The following EBF1 variants were observed in gnomAD, a reference collection of about 807,000 sequenced individuals.
EBF1 encodes EBF transcription factor 1, also known as transcription factor COE1.
Under a neutral mutation model 68.4 loss-of-function variants are expected in EBF1, and 10 were observed. The ratio of observed to expected loss-of-function variants is 0.15; its 90% confidence interval spans 0.09 to 0.25. The LOEUF (loss-of-function observed/expected upper bound fraction) is 0.25. Ranked by LOEUF, EBF1 falls within the 10% of genes least tolerant of loss-of-function variation. The pLI, the probability that EBF1 is intolerant of heterozygous loss-of-function variation, is 1.00. For synonymous variants in EBF1, 298 were observed against 299.8 expected, an observed-to-expected ratio of 0.99 and a Z score of 0.06; for missense variants, 509 against 794.4, an observed-to-expected ratio of 0.64 and a Z score of 4.32.
chr5:158,806,898 A>G (rs1781690486), intron 8 of EBF1, among the ~76,000 whole-genome samples: 1 of 152,082 alleles, frequency 6.6e-6, no homozygotes, highest in South Asian at 2.1e-4. Flanking sequence ...CCATTACTCA[A>G]TCTGCTTTTG....
At chr5:158,932,648 A>G (rs1583272377) in intron 6 of EBF1, among the ~76,000 whole-genome samples, 1 of 152,250 alleles carries the variant, frequency 6.6e-6, no homozygotes, top group Non-Finnish European at 1.5e-5. Flanking sequence ...TATAATTTAT[A>G]TCATTACATA....
chr5:158,846,819 C>T (rs1244670354), intron 6 of EBF1, among the ~76,000 whole-genome samples: 1 of 152,192 alleles, frequency 6.6e-6, no homozygotes, highest in African/African-American at 2.4e-5. Flanking sequence ...CTGACTTCCT[C>T]TCCTTTTCTG....
At chr5:159,050,762 A>G (rs1183634644) in intron 6 of EBF1, among the ~76,000 whole-genome samples, 1 of 152,232 alleles carries the variant, frequency 6.6e-6, no homozygotes, top group Non-Finnish European at 1.5e-5. Flanking sequence ...GCCAAGGCTT[A>G]GAAGCAAACT....
chr5:158,704,628 T>G (rs1757472619), intron 15 of EBF1, among the ~76,000 whole-genome samples: 1 of 151,770 alleles, frequency 6.6e-6, no homozygotes, highest in South Asian at 2.1e-4. Flanking sequence ...ATCCTTTTTT[T>G]CTTTTTTTTT....
At chr5:158,787,741 T>C (rs2127717861) in intron 9 of EBF1, among the ~76,000 whole-genome samples, 1 of 152,292 alleles carries the variant, frequency 6.6e-6, no homozygotes, top group African/African-American at 2.4e-5. Flanking sequence ...GATAGTTTAT[T>C]ACAAGGATTA....
At chr5:159,034,161 A>G (rs1328498397) in intron 6 of EBF1, among the ~76,000 whole-genome samples, 1 of 152,162 alleles carries the variant, frequency 6.6e-6, no homozygotes, top group Non-Finnish European at 1.5e-5. Flanking sequence ...TATTTTGGGG[A>G]GCACTCAAAC....
intron 6 of EBF1, among the ~76,000 whole-genome samples, chr5:158,948,610 C>T (rs552972009): frequency 2.0e-5 from 3 of 152,126 alleles, no homozygotes; most frequent in African/African-American, 4.8e-5. Context: ...GAAATCTGGA[C>T]GTGGACACCA....
chr5:158,701,361 TAAA>T (rs35952631), intron 15 of EBF1, among the ~76,000 whole-genome samples: 3 of 147,846 alleles, frequency 2.0e-5, no homozygotes, highest in Admixed American at 6.7e-5. Context: ...TGGCCAGAAT[TAAA>T]AAAAAAAAAA....
intron 6 of EBF1, among the ~76,000 whole-genome samples, chr5:158,921,672 G>C (rs1002676040): frequency 1.8e-4 from 28 of 152,288 alleles, no homozygotes; most frequent in African/African-American, 6.7e-4. Flanking sequence ...ATCATTACCA[G>C]CCGGAGCTTG....
chr5:158,747,858 C>G (rs1767941261), intron 10 of EBF1, among the ~76,000 whole-genome samples: 1 of 152,148 alleles, frequency 6.6e-6, no homozygotes, highest in African/African-American at 2.4e-5. Flanking sequence ...TTATCATCAC[C>G]ATTTTACAGG....
At chr5:158,806,140 C>T (rs2127777774) in intron 8 of EBF1, among the ~76,000 whole-genome samples, 1 of 152,068 alleles carries the variant, frequency 6.6e-6, no homozygotes, top group East Asian at 1.9e-4. Context: ...AGGAAAAAGG[C>T]CAGTGGGTTG....
At chr5:158,921,591 T>A (rs1808449455) in intron 6 of EBF1, among the ~76,000 whole-genome samples, 1 of 152,214 alleles carries the variant, frequency 6.6e-6, no homozygotes, top group African/African-American at 2.4e-5. Flanking sequence ...CCTAATGCAA[T>A]CTGTGACTCG....
intron 6 of EBF1, among the ~76,000 whole-genome samples, chr5:159,051,123 C>G (rs1773554799): frequency 6.6e-6 from 1 of 152,014 alleles, no homozygotes; most frequent in Non-Finnish European, 1.5e-5. Flanking sequence ...AACCAAGTAA[C>G]CTATGAAAAA....
At chr5:159,060,805 G>C (rs1375191960) in intron 6 of EBF1, among the ~76,000 whole-genome samples, 1 of 152,070 alleles carries the variant, frequency 6.6e-6, no homozygotes, top group Non-Finnish European at 1.5e-5. Flanking sequence ...CCTCCAATTG[G>C]TTCTATTAAG....
rs563439217 is a variant in EBF1, at chr5:158,764,020, G to A, written c.1036+13393C>T. 9.9e-5 allele frequency among the ~76,000 whole-genome samples: 15 copies of A among 152,266 alleles called. No individual in the cohort carries two copies. In the South Asian group the frequency reaches 1.9e-3, roughly 19 times the overall value. ...ATCCACCATTAATCAGGCACTTACT[G>A]TATGCCATGCACTGTACTAAGCTTT... On this transcript the variant is annotated intron_variant, in intron 10 of 15. Coordinates refer to ENST00000313708, the MANE Select transcript of EBF1 (RefSeq NM_024007.5).
chr5:159,043,685 A>AAG (rs1008139401), intron 6 of EBF1, among the ~76,000 whole-genome samples: 2 of 152,244 alleles, frequency 1.3e-5, no homozygotes, highest in African/African-American at 2.4e-5. Context: ...CTTGCAATAA[A>AAG]AGAGAGAGAG....
At chr5:158,864,437 G>A (rs1795508252) in intron 6 of EBF1, among the ~76,000 whole-genome samples, 1 of 152,054 alleles carries the variant, frequency 6.6e-6, no homozygotes, top group South Asian at 2.1e-4. Flanking sequence ...AATAAATATT[G>A]GAGTTGTCTA....
At chr5:158,942,348 A>T (rs940635644) in intron 6 of EBF1, among the ~76,000 whole-genome samples, 21 of 152,230 alleles carry the variant, frequency 1.4e-4, no homozygotes, top group Non-Finnish European at 5.9e-5. Flanking sequence ...ATTCAATCCT[A>T]GTTCTATCAC....
intron 6 of EBF1, among the ~76,000 whole-genome samples, chr5:158,919,112 TG>T (rs766869415): frequency 6.6e-6 from 1 of 152,210 alleles, no homozygotes; most frequent in Non-Finnish European, 1.5e-5. Flanking sequence ...TAGCACTTGT[TG>T]GGCCTGCGAG....
Sources: allele counts gnomAD v4.1 joint callset (sites outside exome capture counted in the v4.1 genomes callset), GRCh38; gene constraint gnomAD v4.1.1; transcripts MANE v1.5; gene names NCBI Gene and HGNC (gene_info 2026-07-23, HGNC 2026-07-21).